Variants in HABP2 observed in about 807,000 individuals in gnomAD.
HABP2 encodes the protein hyaluronan binding protein 2.
Under a neutral mutation model 66.5 loss-of-function variants are expected in HABP2, and 65 were observed. The observed-to-expected ratio is 0.98, with a 90% CI of 0.80 to 1.20. The LOEUF (loss-of-function observed/expected upper bound fraction) is 1.20, where lower values mean the gene tolerates loss of function less well. Ranked by LOEUF, HABP2 falls within the 50% of genes most tolerant of loss-of-function variation. The pLI, the probability that HABP2 is intolerant of heterozygous loss-of-function variation, is 0.00. For synonymous variants in HABP2, 263 were observed against 253.9 expected, an observed-to-expected ratio of 1.04 and a Z score of -0.34; for missense variants, 786 against 691.0, an observed-to-expected ratio of 1.14 and a Z score of -1.54.
In HABP2 at chr10:113,575,915, C is replaced by A; in HGVS notation, c.242C>A (p.Pro81His). ...EDQADPCQPN[P>H]CEHGGDCLVH... ...GTCTTAGATCCATGCCAGCCCAACC[C>A]CTGTGAACACGGTGGGGACTGCCTC... is the stretch of plus-strand genomic sequence containing the variant. The change falls in exon 4 of 13, where the codon CCC (proline) becomes CAC (histidine). Residue 81 changes from proline to histidine, a missense_variant. Physicochemically the swap from Pro to His is moderately conservative, Grantham distance 77. Transcript: ENST00000351270. The A allele has an allele frequency of 6.2e-7, 1 of 1,608,012 alleles. No individual in the cohort carries two copies. The highest frequency in any genetic ancestry group is 8.5e-7 in the Non-Finnish European group (1 of 1,174,452).
chr10:113,552,092 G>A (rs1197065281), upstream of HABP2, among the ~76,000 whole-genome samples: 1 of 152,160 alleles, frequency 6.6e-6, no homozygotes, highest in Non-Finnish European at 1.5e-5. Flanking sequence ...TAGCAACTTG[G>A]CTTTCAGAAG....
At chr10:113,554,514 A>C (rs1334483964) in intron 1 of HABP2, among the ~76,000 whole-genome samples, 1 of 152,220 alleles carries the variant, frequency 6.6e-6, no homozygotes. Context: ...TTTTCTTTTC[A>C]AATCATGACT....
intron 6 of HABP2, 68 bp from the exon 7 acceptor site, chr10:113,578,559 C>G: frequency 9.1e-7 from 1 of 1,094,656 alleles, no homozygotes; most frequent in South Asian, 1.4e-5. Context: ...CACATACCCA[C>G]CAAGCCCTTT....
Position 113,588,330 on chromosome 10 carries a change from T to A in HABP2, c.1644T>A (p.Asn548Lys). ...GVYTQVTKFL[N>K]WIKATIKSES... ...ACACCCAAGTTACCAAATTCCTGAATTGGATCAAAGCCACCATCAAAAGTG... is the reference window on the plus strand; with the variant it reads ...ACACCCAAGTTACCAAATTCCTGAAATGGATCAAAGCCACCATCAAAAGTG... Residue 548 changes from asparagine (N) to lysine (K), a missense_variant, in exon 13 of 13, where the codon AAT (asparagine) becomes AAA (lysine). Coordinates refer to ENST00000351270, the MANE Select transcript of HABP2 (RefSeq NM_004132.5). The A allele has an allele frequency of 6.2e-7, 1 of 1,613,662 alleles. No individual in the cohort carries two copies. Among genetic ancestry groups the A allele is most frequent in the Middle Eastern group, 1.7e-4 (1 of 6,044 alleles).
In HABP2 at chr10:113,583,287, G is replaced by C; in HGVS notation, c.1166G>C (p.Ser389Thr). The stretch of plus-strand genomic sequence containing the variant: ...AAGAAAGAAGAATTTCATGAGCAGA[G>C]CTTTAGGGTGGAGAAGATATTCAAG... ...DLKKEEFHEQ[S>T]FRVEKIFKYS... Residue 389 changes from serine to threonine, a missense_variant, in exon 10 of 13, where the codon AGC (serine) becomes ACC (threonine). By Grantham distance (58) the Ser-to-Thr change is moderately conservative. Coordinates refer to ENST00000351270, the MANE Select transcript of HABP2 (RefSeq NM_004132.5). 6.8e-6 allele frequency: 11 copies of C among 1,611,654 alleles called. No homozygotes were observed. The highest frequency in any genetic ancestry group is 1.3e-5 in the African/African-American group (1 of 75,000).
In HABP2 at chr10:113,589,592, T is replaced by C. The variant is rs991746787; in HGVS notation, c.*1223T>C. 3 of 1,543,334 alleles carry C rather than the reference T, an allele frequency of 1.9e-6. No homozygotes were observed. The African/African-American group carries it at 4.2e-5, about 21-fold the overall frequency. ...GCTGACCTTTGGCCAAAAATAAACTTTGAAAAGAAACAATGAGTTTGTCTT... is the reference window on the plus strand; with the variant it reads ...GCTGACCTTTGGCCAAAAATAAACTCTGAAAAGAAACAATGAGTTTGTCTT... On this transcript the variant is annotated 3_prime_UTR_variant, in exon 13 of 13. Coordinates refer to ENST00000351270, the MANE Select transcript of HABP2 (RefSeq NM_004132.5).
At chr10:113,565,686 C>A (rs4918851) in intron 1 of HABP2, among the ~76,000 whole-genome samples, 49,570 of 152,100 alleles carry the variant, frequency 0.33, 9,403 homozygotes, top group East Asian at 0.51. Context: ...CCAAGTCAGC[C>A]CAAACCACAG....
chr10:113,571,346 C>T (rs1845306226), intron 2 of HABP2, among the ~76,000 whole-genome samples: 2 of 152,326 alleles, frequency 1.3e-5, no homozygotes, highest in South Asian at 4.1e-4. Flanking sequence ...CCGTTGTCCA[C>T]ATGTTCTCAT....
In HABP2 at chr10:113,578,156, C is replaced by T; in HGVS notation, c.568+11C>T. 1.2e-6 allele frequency: 2 copies of T among 1,613,920 alleles called. No homozygotes were observed. Among genetic ancestry groups the T allele is most frequent in the Non-Finnish European group, 1.7e-6 (2 of 1,179,868 alleles). On this transcript the variant is annotated intron_variant, in intron 6 of 12. Coordinates refer to ENST00000351270, the MANE Select transcript of HABP2 (RefSeq NM_004132.5). ...AATTCTGTGAAATAGGTATGGGTCT[C>T]TGCCACCATCAGGGCCACAAGTGAG...
chr10:113,586,980 TTTGCCCTAAACTC>T (rs1845649880), intron 12 of HABP2, among the ~76,000 whole-genome samples: 1 of 152,076 alleles, frequency 6.6e-6, no homozygotes, highest in Admixed American at 6.6e-5. Context: ...ATGGGTGCAA[TTTGCCCTAAACTC>T]CTTCCCAGAA....
rs1221730749 is a variant in HABP2, at chr10:113,585,930, A to C, written c.1510A>C (p.Thr504Pro). ...AAATCTTCAGAAACCTGGGCAAGAC[A>C]CCTGCCAGGTCAGAGACTCCAAGTG... ...AGNLQKPGQD[T>P]CQGDSGGPLT... Residue 504 changes from threonine to proline, a missense_variant, in exon 12 of 13, where the codon ACC (threonine) becomes CCC (proline). Physicochemically the swap from Thr to Pro is conservative, Grantham distance 38. Coordinates refer to ENST00000351270, the MANE Select transcript of HABP2 (RefSeq NM_004132.5). 2 of 1,613,760 alleles carry C rather than the reference A, an allele frequency of 1.2e-6. No individual in the cohort carries two copies. The highest frequency in any genetic ancestry group is 3.3e-5 in the Admixed American group (2 of 60,028).
Position 113,589,236 on chromosome 10 carries a change from C to G in HABP2, c.*867C>G. 1 of 616,804 alleles carries G rather than the reference C, an allele frequency of 1.6e-6. No homozygotes were observed. The highest frequency in any genetic ancestry group is 2.8e-6 in the Non-Finnish European group (1 of 356,656). The allele number at this position is 616,804 out of a possible 1,614,324, so 38.2% of individuals were successfully genotyped here. A position where few individuals can be genotyped will look rare whatever the true frequency, so the allele number is the denominator to read the frequency against. ...CTTCTACCCTCCCCAAGAAAAAGGG[C>G]CTTCAAGGCAGGAATGAGAAAGCAA... is the stretch of plus-strand genomic sequence containing the variant. On this transcript the variant is annotated 3_prime_UTR_variant, in exon 13 of 13. Coordinates refer to ENST00000351270, the MANE Select transcript of HABP2 (RefSeq NM_004132.5).
chr10:113,583,324 C>T lies in HABP2; in HGVS notation c.1203C>T (p.Tyr401=). 6.2e-7 allele frequency: 1 copy of T among 1,612,274 alleles called. No homozygotes were observed. The highest frequency in any genetic ancestry group is 8.5e-7 in the Non-Finnish European group (1 of 1,178,302). Residue 401 remains tyrosine (Y), a synonymous_variant, in exon 10 of 13, where the codon TAC becomes TAT. Coordinates refer to ENST00000351270, the MANE Select transcript of HABP2 (RefSeq NM_004132.5). ...RVEKIFKYSH[Y]NERDEIPHND... ...AGAAGATATTCAAGTACAGCCACTA[C>T]AATGAAAGAGATGAGATTCCCCACA...
chr10:113,554,628 C>G (rs1311076245), intron 1 of HABP2, among the ~76,000 whole-genome samples: 5 of 152,252 alleles, frequency 3.3e-5, no homozygotes, highest in Middle Eastern at 3.4e-3. Context: ...TACCACAGGT[C>G]TAGAGAAAGG....
intron 2 of HABP2, among the ~76,000 whole-genome samples, chr10:113,573,344 G>A (rs1186994772): frequency 6.6e-6 from 1 of 152,198 alleles, no homozygotes; most frequent in African/African-American, 2.4e-5. Context: ...GTTTACAACT[G>A]TAGGCAAGAT....
At chr10:113,575,841 G>A in intron 3 of HABP2, 56 bp from the exon 4 acceptor site, 1 of 942,546 alleles carries the variant, frequency 1.1e-6, no homozygotes. Flanking sequence ...ATTTGGAGGG[G>A]GGCGCTTCTC....
chr10:113,557,935 G>T (rs1254974144), intron 1 of HABP2, among the ~76,000 whole-genome samples: 2 of 152,194 alleles, frequency 1.3e-5, no homozygotes, highest in Non-Finnish European at 2.9e-5. Context: ...ATCTACTCAA[G>T]ATGGCACCTC....
chr10:113,585,327 C>T (rs1845613556), intron 11 of HABP2, among the ~76,000 whole-genome samples: 1 of 152,134 alleles, frequency 6.6e-6, no homozygotes, highest in Admixed American at 6.5e-5. Flanking sequence ...TGTTCAAAGC[C>T]TTTATGTTCT....
Position 113,580,668 on chromosome 10 carries a change from G to A in HABP2, c.814G>A (p.Asp272Asn), listed in dbSNP as rs781508150. Reference protein sequence around the residue: ...TNDKVKWEYCDVSACSAQDVA... With the variant: ...TNDKVKWEYCNVSACSAQDVA... ...TGACAAGGTGAAATGGGAATACTGT[G>A]ATGTCTCAGCCTGCTCAGCCCAGGG... Residue 272 changes from aspartate to asparagine, a missense_variant, in exon 8 of 13, where the codon GAT becomes AAT. Coordinates refer to ENST00000351270, the MANE Select transcript of HABP2 (RefSeq NM_004132.5). 7.5e-6 allele frequency: 12 copies of A among 1,590,018 alleles called. 1 individual carries two copies. Among genetic ancestry groups the A allele is most frequent in the Middle Eastern group, 1.7e-4 (1 of 6,038 alleles).
Sources: gnomAD v4.1 joint callset for allele counts (sites outside exome capture counted in the v4.1 genomes callset) on GRCh38, gnomAD v4.1.1 for gene constraint, MANE v1.5 for transcripts, NCBI Gene and HGNC (gene_info 2026-07-23, HGNC 2026-07-21) for gene names.